Variants in FIG4 observed in about 807,000 individuals in gnomAD.
The protein encoded by FIG4 is polyphosphoinositide phosphatase.
A neutral mutation model predicts 118.6 loss-of-function variants in FIG4; 112 were observed. That is an observed-to-expected ratio of 0.94 (90% CI 0.81 to 1.11). FIG4 has a LOEUF of 1.11. FIG4 is among the 50% of genes least tolerant of loss of function. FIG4 has a pLI of 0.00. For missense variants in FIG4, 969 were observed against 1,111.7 expected (o/e 0.87, Z 1.83); for synonymous variants, 369 against 381.2 (o/e 0.97, Z 0.37).
chr6:109,778,503 C>T (rs1777687857), intron 16 of FIG4, among the ~76,000 whole-genome samples: 1 of 150,690 alleles, frequency 6.6e-6, no homozygotes, highest in Non-Finnish European at 1.5e-5. Context: ...CCAAACACTA[C>T]AGGAATCATT....
intron 1 of FIG4, chr6:109,701,630 G>A (rs1394336824): frequency 4.3e-6 from 2 of 466,348 alleles, no homozygotes; most frequent in Non-Finnish European, 8.9e-6. Context: ...TAGCATATAT[G>A]TATGCATTTA....
chr6:109,775,611 TA>T (rs1777595212), intron 15 of FIG4, among the ~76,000 whole-genome samples: 1 of 152,218 alleles, frequency 6.6e-6, no homozygotes, highest in Admixed American at 6.5e-5. Context: ...GCATCATGTT[TA>T]CTTTTGTATT....
intron 12 of FIG4, 147 bp downstream of exon 12, chr6:109,762,354 C>T: frequency 1.5e-6 from 1 of 670,308 alleles, no homozygotes; most frequent in Non-Finnish European, 2.7e-6. Flanking sequence ...GCTGAATGTT[C>T]ACTGGGGCAT....
chr6:109,808,831 A>G (rs191883815), intron 22 of FIG4, among the ~76,000 whole-genome samples: 6 of 152,310 alleles, frequency 3.9e-5, no homozygotes, highest in African/African-American at 1.4e-4. Context: ...ACCACCGTGA[A>G]CAATACTTAA....
At chr6:109,775,179 T>G (rs1399885337) in intron 15 of FIG4, among the ~76,000 whole-genome samples, 3 of 152,156 alleles carry the variant, frequency 2.0e-5, no homozygotes, top group Non-Finnish European at 4.4e-5. Context: ...TTTAAACCCT[T>G]GTTCATATCC....
chr6:109,821,277 C>G (rs1778998859), intron 22 of FIG4, among the ~76,000 whole-genome samples: 1 of 152,216 alleles, frequency 6.6e-6, no homozygotes, highest in Non-Finnish European at 1.5e-5. Context: ...CAACACTTCA[C>G]TGAAACAACC....
chr6:109,740,344 A>G (rs1261927168), intron 7 of FIG4, among the ~76,000 whole-genome samples: 2 of 152,294 alleles, frequency 1.3e-5, no homozygotes, highest in East Asian at 1.9e-4. Flanking sequence ...TTTCCTGGTT[A>G]TCAAGCGTTT....
chr6:109,709,939 G>C (rs901935707), intron 1 of FIG4, among the ~76,000 whole-genome samples: 1 of 152,006 alleles, frequency 6.6e-6, no homozygotes, highest in African/African-American at 2.4e-5. Context: ...TTCCTATTTG[G>C]ATACCTTTTA....
intron 16 of FIG4, among the ~76,000 whole-genome samples, chr6:109,779,956 A>C (rs1363233647): frequency 1.3e-5 from 2 of 152,184 alleles, no homozygotes; most frequent in African/African-American, 4.8e-5. Flanking sequence ...TTGAGGCTTA[A>C]ATGGGAAAAT....
rs1318364122 is a variant in FIG4 at position 109,786,334 on chromosome 6, G to A, written c.1981G>A (p.Val661Met). 1.9e-6 allele frequency: 3 copies of A among 1,613,420 alleles called. No individual in the cohort carries two copies. Among genetic ancestry groups the A allele is most frequent in the Non-Finnish European group, 2.5e-6 (3 of 1,179,370 alleles). Residue 661 changes from valine (V) to methionine (M), a missense_variant, in exon 18 of 23, where the codon GTG (valine) becomes ATG (methionine). Transcript: ENST00000230124. Reference sequence around the variant, plus strand: ...TGCTGTGAACTTAAAGAAGTTGATAGTGAAGAAATTCCACAAATATGAAGA... The same window carrying A: ...TGCTGTGAACTTAAAGAAGTTGATAATGAAGAAATTCCACAAATATGAAGA... ...ICAVNLKKLI[V>M]KKFHKYEEEI...
intron 8 of FIG4, among the ~76,000 whole-genome samples, chr6:109,742,401 C>T (rs973999742): frequency 1.3e-5 from 2 of 152,086 alleles, no homozygotes; most frequent in African/African-American, 4.8e-5. Flanking sequence ...AGTGCTCCGT[C>T]TCTGTTTGCA....
At chr6:109,728,122 C>T (rs1269574796) in intron 4 of FIG4, among the ~76,000 whole-genome samples, 2 of 152,082 alleles carry the variant, frequency 1.3e-5, no homozygotes, top group East Asian at 1.9e-4. Context: ...GGAGATTGTC[C>T]TTGTTTATAA....
intron 15 of FIG4, among the ~76,000 whole-genome samples, chr6:109,768,116 C>T (rs1252545874): frequency 6.6e-6 from 1 of 152,124 alleles, no homozygotes; most frequent in African/African-American, 2.4e-5. Flanking sequence ...CCAAAGGATA[C>T]TTGAGTGTTG....
chr6:109,763,385 A>G (rs554372980), intron 12 of FIG4, among the ~76,000 whole-genome samples: 25 of 138,316 alleles, frequency 1.8e-4, no homozygotes, highest in African/African-American at 7.5e-4. Flanking sequence ...TAATTAAAAT[A>G]TTAACATCAT....
chr6:109,723,861 G>T (rs1162793849), intron 3 of FIG4, among the ~76,000 whole-genome samples: 1 of 152,184 alleles, frequency 6.6e-6, no homozygotes, highest in African/African-American at 2.4e-5. Context: ...AGAGAGAGAA[G>T]AATGGAGTAG....
In FIG4 at chr6:109,691,453, C is replaced by T; in HGVS notation, c.18C>T (p.Ala6=). 6.3e-7 allele frequency: 1 copy of T among 1,585,452 alleles called. No homozygotes were observed. Among genetic ancestry groups the T allele is most frequent in the Non-Finnish European group, 8.6e-7 (1 of 1,165,620 alleles). ...CCGCCGCCATGCCCACGGCCGCCGC[C>T]CCCATCATCAGCTCGGTCCAGAAGC... MPTAA[A]PIISSVQKLV... Residue 6 remains alanine (A), a synonymous_variant, in exon 1 of 23, where the codon GCC becomes GCT. Transcript: ENST00000230124.
intron 10 of FIG4, among the ~76,000 whole-genome samples, chr6:109,758,854 G>T (rs908065580): frequency 2.0e-5 from 3 of 152,190 alleles, no homozygotes; most frequent in African/African-American, 4.8e-5. Context: ...ATGAAAAAAG[G>T]CTCATCATCA....
chr6:109,691,564 C>T (rs1774412282), intron 1 of FIG4, 63 bp downstream of exon 1: 2 of 1,384,224 alleles, frequency 1.4e-6, no homozygotes, highest in East Asian at 2.5e-5. Context: ...GGGTGTGGGG[C>T]CGTAGGACAG....
intron 15 of FIG4, 70 bp downstream of exon 15, chr6:109,766,965 A>G (rs1033663204): frequency 1.3e-5 from 17 of 1,288,802 alleles, no homozygotes; most frequent in Non-Finnish European, 1.8e-5. Context: ...TTTTAAAGCT[A>G]TCTGGCTAAG....
Sources: allele counts gnomAD v4.1 joint callset (sites outside exome capture counted in the v4.1 genomes callset), GRCh38; gene constraint gnomAD v4.1.1; transcripts MANE v1.5; gene names NCBI Gene and HGNC (gene_info 2026-07-23, HGNC 2026-07-21).